The following NXPE2 variants were observed in gnomAD, a reference collection of about 807,000 sequenced individuals.
The protein encoded by NXPE2 is neurexophilin and PC-esterase domain family member 2.
NXPE2 carries 34 observed loss-of-function variants against 34.4 expected under a neutral mutation model. That is an observed-to-expected ratio of 0.99 (90% CI 0.75 to 1.31). The LOEUF (loss-of-function observed/expected upper bound fraction) is 1.31. NXPE2 is among the 40% of genes most tolerant of loss of function. NXPE2 has a pLI of 0.00. For missense variants in NXPE2, 649 were observed against 672.5 expected (o/e 0.97, Z 0.39); for synonymous variants, 235 against 231.3 (o/e 1.02, Z -0.15).
At chr11:114,550,056 A>C in the NXPE2 span, among the ~76,000 whole-genome samples, 1 of 152,110 alleles carries the variant, frequency 6.6e-6, no homozygotes, top group Non-Finnish European at 1.5e-5. Flanking sequence ...AACACTACTG[A>C]AGAAAACAAA....
At chr11:114,724,317 A>G in the NXPE2 span, among the ~76,000 whole-genome samples, 2 of 152,102 alleles carry the variant, frequency 1.3e-5, no homozygotes, top group Admixed American at 6.6e-5. Flanking sequence ...CCCTGAGTGG[A>G]CTGCAGAATG....
chr11:114,778,981 T>A, the NXPE2 span, among the ~76,000 whole-genome samples: 1 of 152,226 alleles, frequency 6.6e-6, no homozygotes, highest in African/African-American at 2.4e-5. Context: ...ACAAAGTTTA[T>A]CATTATGCTG....
chr11:114,612,828 A>G, the NXPE2 span, among the ~76,000 whole-genome samples: 1 of 147,634 alleles, frequency 6.8e-6, no homozygotes, highest in East Asian at 2.1e-4. Context: ...TGTTACCCAG[A>G]GGATAGTAAG....
chr11:114,800,141 C>T, the NXPE2 span, among the ~76,000 whole-genome samples: 1 of 152,170 alleles, frequency 6.6e-6, no homozygotes, highest in African/African-American at 2.4e-5. Context: ...TTTCATTGGT[C>T]CTACTTATGG....
the NXPE2 span, among the ~76,000 whole-genome samples, chr11:114,538,580 T>C: frequency 1.3e-3 from 200 of 151,868 alleles, 1 homozygote; most frequent in East Asian, 0.035. Context: ...AACAAATTTA[T>C]AAGAAAAAAA....
chr11:114,686,075 G>T (rs936785044), intron 2 of NXPE2, among the ~76,000 whole-genome samples: 1 of 151,692 alleles, frequency 6.6e-6, no homozygotes, highest in South Asian at 2.1e-4. Flanking sequence ...CTCCGTAAAG[G>T]GTACATGAGA....
At chr11:114,570,732 A>G in the NXPE2 span, 8 of 467,154 alleles carry the variant, frequency 1.7e-5, no homozygotes, top group South Asian at 7.2e-5. Flanking sequence ...GGCTCTTTTC[A>G]TGAGTATTTT....
the NXPE2 span, among the ~76,000 whole-genome samples, chr11:114,743,951 A>G: frequency 6.6e-6 from 1 of 151,612 alleles, no homozygotes. Context: ...TTATATATGC[A>G]TATATATGTA....
chr11:114,800,185 C>A, the NXPE2 span, among the ~76,000 whole-genome samples: 4 of 152,170 alleles, frequency 2.6e-5, no homozygotes, highest in African/African-American at 9.7e-5. Flanking sequence ...CAGTACAGAA[C>A]AAACAGCATC....
the NXPE2 span, among the ~76,000 whole-genome samples, chr11:114,651,379 G>T: frequency 5.9e-4 from 90 of 152,178 alleles, no homozygotes; most frequent in African/African-American, 2.0e-3. Context: ...TGGGTTCGTG[G>T]TCTCGTGGTC....
the NXPE2 span, among the ~76,000 whole-genome samples, chr11:114,503,053 G>C: frequency 2.9e-3 from 448 of 152,118 alleles, 1 homozygote; most frequent in Middle Eastern, 0.01. Context: ...TAGGATTTTG[G>C]CTAGGAGCTG....
chr11:114,726,478 T>C, the NXPE2 span, among the ~76,000 whole-genome samples: 1 of 152,006 alleles, frequency 6.6e-6, no homozygotes, highest in African/African-American at 2.4e-5. Context: ...TCTGAAAGCA[T>C]TGGGATTACA....
chr11:114,724,384 T>G, the NXPE2 span, among the ~76,000 whole-genome samples: 2 of 152,180 alleles, frequency 1.3e-5, no homozygotes, highest in Non-Finnish European at 2.9e-5. Flanking sequence ...CTGCAACATA[T>G]TGATGTTGAA....
chr11:114,778,509 G>A, the NXPE2 span, among the ~76,000 whole-genome samples: 1 of 152,172 alleles, frequency 6.6e-6, no homozygotes, highest in African/African-American at 2.4e-5. Context: ...GAGCTTATTT[G>A]TAAATCCTTT....
At chr11:114,703,390 G>T (rs987569409) in intron 3 of NXPE2, among the ~76,000 whole-genome samples, 1 of 152,174 alleles carries the variant, frequency 6.6e-6, no homozygotes, top group African/African-American at 2.4e-5. Flanking sequence ...GTAGACCATT[G>T]GCTTTGGGTT....
the NXPE2 span, among the ~76,000 whole-genome samples, chr11:114,739,100 A>G: frequency 6.6e-6 from 1 of 152,172 alleles, no homozygotes; most frequent in East Asian, 1.9e-4. Flanking sequence ...AGTGTTTCAT[A>G]AAGGTGCAAA....
At chr11:114,709,495 AT>A (rs1859569925), downstream of NXPE2, among the ~76,000 whole-genome samples, 1 of 152,232 alleles carries the variant, frequency 6.6e-6, no homozygotes, top group Non-Finnish European at 1.5e-5. Context: ...TAATGACTAT[AT>A]TGCTAATATA....
At chr11:114,509,648 T>A in the NXPE2 span, among the ~76,000 whole-genome samples, 13 of 152,174 alleles carry the variant, frequency 8.5e-5, no homozygotes, top group Non-Finnish European at 1.6e-4. Context: ...GAGGCCATTA[T>A]CCTTAGCAAA....
At chr11:114,749,414 C>G in the NXPE2 span, among the ~76,000 whole-genome samples, 1 of 152,108 alleles carries the variant, frequency 6.6e-6, no homozygotes, top group Non-Finnish European at 1.5e-5. Flanking sequence ...GTTCAAATCC[C>G]TTATATAAAA....
Sources: gnomAD v4.1 joint callset for allele counts (sites outside exome capture counted in the v4.1 genomes callset) on GRCh38, gnomAD v4.1.1 for gene constraint, MANE v1.5 for transcripts, NCBI Gene and HGNC (gene_info 2026-07-23, HGNC 2026-07-21) for gene names.